TTC28: variants seen among roughly 807,000 people sequenced by gnomAD.
The protein encoded by TTC28 is tetratricopeptide repeat domain 28, also known as tetratricopeptide repeat protein 28.
TTC28 carries 61 observed loss-of-function variants against 198.0 expected under a neutral mutation model. That is an observed-to-expected ratio of 0.31 (90% CI 0.25 to 0.38). TTC28 has a LOEUF of 0.38. Ranked by LOEUF, TTC28 falls within the 10% of genes least tolerant of loss-of-function variation. The probability of loss-of-function intolerance (pLI) is 1.00; values close to 1 mark genes in which losing one functional copy is unlikely to be tolerated. For synonymous variants in TTC28, 1,171 were observed against 1,297.8 expected (o/e 0.90, Z 2.10); for missense variants, 2,678 against 3,164.0 (o/e 0.85, Z 3.69).
intron 5 of TTC28, among the ~76,000 whole-genome samples, chr22:28,217,957 T>C (rs1927536239): frequency 1.3e-5 from 2 of 152,232 alleles, no homozygotes; most frequent in African/African-American, 4.8e-5. Context: ...AGAAGACAAC[T>C]GGATTTTCTT....
At chr22:28,611,988 A>C (rs1258850002) in intron 2 of TTC28, among the ~76,000 whole-genome samples, 1 of 152,138 alleles carries the variant, frequency 6.6e-6, no homozygotes, top group Non-Finnish European at 1.5e-5. Context: ...ATTAACCTTA[A>C]ATGTAAATGG....
chr22:28,238,153 C>T lies in TTC28; in HGVS notation c.933+58045G>A, dbSNP rs1929386136. 5.3e-5 allele frequency among the ~76,000 whole-genome samples: 8 copies of T among 152,100 alleles called. No individual in the cohort carries two copies. In the South Asian group the frequency reaches 1.7e-3, roughly 32 times the overall value. On this transcript the variant is annotated intron_variant, in intron 5 of 22. Transcript: ENST00000397906. ...TATGTAAATTTCATATTAGGAAATT[C>T]CTTCATCATTATTTCTTCAAATATT...
At chr22:28,291,445 A>C (rs949040316) in intron 5 of TTC28, among the ~76,000 whole-genome samples, 13 of 152,216 alleles carry the variant, frequency 8.5e-5, no homozygotes, top group Non-Finnish European at 1.6e-4. Flanking sequence ...TTATAAAAGA[A>C]ATTTTAAAAA....
intron 2 of TTC28, among the ~76,000 whole-genome samples, chr22:28,536,106 G>A (rs2049268312): frequency 6.7e-6 from 1 of 149,596 alleles, no homozygotes; most frequent in Non-Finnish European, 1.5e-5. Context: ...GGCTGAGGCA[G>A]GAGAATGGCG....
intron 2 of TTC28, among the ~76,000 whole-genome samples, chr22:28,427,596 T>G (rs1390108485): frequency 2.6e-5 from 4 of 152,172 alleles, no homozygotes; most frequent in African/African-American, 9.7e-5. Context: ...GAGCTTGCAG[T>G]GAGCAGAGAT....
At chr22:28,258,321 C>T (rs747991562) in intron 5 of TTC28, among the ~76,000 whole-genome samples, 12 of 152,120 alleles carry the variant, frequency 7.9e-5, no homozygotes, top group Non-Finnish European at 1.2e-4. Flanking sequence ...TTTTCCTTCA[C>T]TTATCAGCAG....
intron 2 of TTC28, among the ~76,000 whole-genome samples, chr22:28,590,502 C>T (rs1317381739): frequency 6.6e-6 from 1 of 152,026 alleles, no homozygotes. Flanking sequence ...ACTGTAATGC[C>T]ATCACTTTGG....
chr22:28,624,031 A>C (rs575747909), intron 2 of TTC28, among the ~76,000 whole-genome samples: 1 of 152,202 alleles, frequency 6.6e-6, no homozygotes, highest in Non-Finnish European at 1.5e-5. Context: ...AAAAGGAAAT[A>C]ATAAACAGCA....
rs1339909018 is a variant in TTC28, at chr22:27,988,828, TG to T, written c.5707+1049del. Reference sequence around the variant, plus strand: ...GCAAACATCCCAGTCTCTGTGGGCCTGTCCTGGCCCTGCTCCCACCCATCTG... The same window carrying T: ...GCAAACATCCCAGTCTCTGTGGGCCTTCCTGGCCCTGCTCCCACCCATCTG... On this transcript the variant is annotated intron_variant, in intron 21 of 22. Coordinates refer to ENST00000397906, the MANE Select transcript of TTC28 (RefSeq NM_001145418.2). 3.3e-5 allele frequency among the ~76,000 whole-genome samples: 5 copies of T among 152,196 alleles called. No individual in the cohort carries two copies. The East Asian group carries it at 9.7e-4, about 29-fold the overall frequency.
intron 2 of TTC28, among the ~76,000 whole-genome samples, chr22:28,559,920 T>C (rs773901253): frequency 1.3e-5 from 2 of 152,234 alleles, no homozygotes; most frequent in African/African-American, 4.8e-5. Flanking sequence ...CTCAGATTTA[T>C]AGCTTGAGCC....
At chr22:28,210,564 T>A (rs1319352013) in intron 5 of TTC28, among the ~76,000 whole-genome samples, 1 of 151,718 alleles carries the variant, frequency 6.6e-6, no homozygotes, top group East Asian at 1.9e-4. Context: ...ATGAATGAAA[T>A]GAAGCAAGAA....
chr22:28,363,643 T>C (rs1337167905), intron 2 of TTC28, among the ~76,000 whole-genome samples: 1 of 152,102 alleles, frequency 6.6e-6, no homozygotes, highest in African/African-American at 2.4e-5. Context: ...TGCCAGCCCA[T>C]GAAAGCAGCT....
chr22:28,337,504 C>T (rs974120052), intron 2 of TTC28, among the ~76,000 whole-genome samples: 1 of 152,106 alleles, frequency 6.6e-6, no homozygotes, highest in Non-Finnish European at 1.5e-5. Flanking sequence ...TAAGGACTTG[C>T]TTTATGAATC....
At chr22:27,993,658 G>T (rs1054601561) in intron 17 of TTC28, 140 bp from the exon 18 acceptor site, 28 of 769,886 alleles carry the variant, frequency 3.6e-5, no homozygotes, top group Non-Finnish European at 5.7e-5. Flanking sequence ...CAGGCCTGAG[G>T]ATGTGACACT....
chr22:28,173,078 G>C (rs939398572), intron 5 of TTC28, among the ~76,000 whole-genome samples: 3 of 152,148 alleles, frequency 2.0e-5, no homozygotes, highest in Non-Finnish European at 4.4e-5. Flanking sequence ...CCAAGCAGAA[G>C]CTAGTAATGG....
intron 2 of TTC28, among the ~76,000 whole-genome samples, chr22:28,423,787 G>A (rs1380560590): frequency 6.6e-6 from 1 of 152,160 alleles, no homozygotes; most frequent in Non-Finnish European, 1.5e-5. Flanking sequence ...ATCCAAATGT[G>A]GGCATAGTTA....
Position 28,121,853 on chromosome 22 carries a change from G to GTTTGTTTTTGT in TTC28, c.1442-13461_1442-13451dup, listed in dbSNP as rs1242774208. ...ACTTTTTTGGGATTTTAGGGTAAGC[G>GTTTGTTTTTGT]TTTGTTTTTGTTTTGTTTTGTTTAT... On this transcript the variant is annotated intron_variant, in intron 6 of 22. Coordinates refer to ENST00000397906, the MANE Select transcript of TTC28 (RefSeq NM_001145418.2). Among the ~76,000 whole-genome samples the GTTTGTTTTTGT allele has an allele frequency of 3.3e-5, 5 of 152,104 alleles. 1 individual carries two copies. The highest frequency in any genetic ancestry group is 3.3e-4 in the Admixed American group (5 of 15,272).
At chr22:28,560,751 C>CT (rs1270309421) in intron 2 of TTC28, among the ~76,000 whole-genome samples, 9 of 151,782 alleles carry the variant, frequency 5.9e-5, no homozygotes, top group Admixed American at 2.6e-4. Flanking sequence ...CCTTCATTTT[C>CT]TTTTTTTTGT....
At position 28,334,410 on chromosome 22, in the gene TTC28, C is replaced by G. The variant is rs202027211; in HGVS notation, c.382-27767G>C. ...TCAAACGGTATTTCTAGTTCTAGAT[C>G]CCTGAGGAATCGCCACACTGATTTC... On this transcript the variant is annotated intron_variant, in intron 2 of 22. Coordinates refer to ENST00000397906, the MANE Select transcript of TTC28 (RefSeq NM_001145418.2). Among the ~76,000 whole-genome samples, 4 of 152,126 alleles carry G rather than the reference C, an allele frequency of 2.6e-5. No individual in the cohort carries two copies. In the East Asian group the frequency reaches 7.7e-4, roughly 29 times the overall value.
Sources: gnomAD v4.1 joint callset for allele counts (sites outside exome capture counted in the v4.1 genomes callset) on GRCh38, gnomAD v4.1.1 for gene constraint, MANE v1.5 for transcripts, NCBI Gene and HGNC (gene_info 2026-07-23, HGNC 2026-07-21) for gene names.